MSRA: variants seen among roughly 807,000 people sequenced by gnomAD.
MSRA encodes the protein methionine sulfoxide reductase A, also known as mitochondrial peptide methionine sulfoxide reductase.
A neutral mutation model predicts 31.3 loss-of-function variants in MSRA; 54 were observed. That is an observed-to-expected ratio of 1.73 (90% CI 1.39 to 2.17). The LOEUF is 2.17. Among genes scored for constraint, MSRA ranks in the 30% most tolerant of loss-of-function variants. The pLI, the probability that MSRA is intolerant of heterozygous loss-of-function variation, is 0.00. For synonymous variants in MSRA, 169 were observed against 116.5 expected (o/e 1.45, Z -2.90); for missense variants, 507 against 300.9 (o/e 1.69, Z -5.07).
intron 3 of MSRA, among the ~76,000 whole-genome samples, chr8:10,295,783 A>T (rs1800506412): frequency 6.6e-6 from 1 of 152,090 alleles, no homozygotes; most frequent in Non-Finnish European, 1.5e-5. Flanking sequence ...CCTCCAGCTC[A>T]GCCCCGGTGC....
At chr8:10,057,711 G>T (rs1802463943) in intron 1 of MSRA, among the ~76,000 whole-genome samples, 1 of 152,106 alleles carries the variant, frequency 6.6e-6, no homozygotes, top group African/African-American at 2.4e-5. Flanking sequence ...TGTGTAGCTT[G>T]CCCCTTTGCG....
intron 2 of MSRA, among the ~76,000 whole-genome samples, chr8:10,243,132 A>G (rs1218214650): frequency 1.3e-5 from 2 of 152,188 alleles, no homozygotes; most frequent in African/African-American, 2.4e-5. Context: ...GCTAGCTACT[A>G]AAATGGCCTG....
At chr8:10,367,372 T>G (rs1805227415) in intron 5 of MSRA, among the ~76,000 whole-genome samples, 1 of 152,202 alleles carries the variant, frequency 6.6e-6, no homozygotes, top group Admixed American at 6.5e-5. Context: ...AATTTATAAA[T>G]AAAACTTTAA....
intron 5 of MSRA, among the ~76,000 whole-genome samples, chr8:10,399,289 G>T (rs745636406): frequency 9.2e-5 from 14 of 152,200 alleles, no homozygotes; most frequent in Non-Finnish European, 1.8e-4. Context: ...TGTAGTAAGT[G>T]TCCATAGGTG....
intron 1 of MSRA, among the ~76,000 whole-genome samples, chr8:10,202,255 A>G (rs1320181743): frequency 6.6e-6 from 1 of 152,224 alleles, no homozygotes. Context: ...CAGAATTTCA[A>G]TGAGAAAATG....
At chr8:10,144,158 T>C (rs939473883) in intron 1 of MSRA, among the ~76,000 whole-genome samples, 2 of 152,158 alleles carry the variant, frequency 1.3e-5, no homozygotes, top group African/African-American at 2.4e-5. Context: ...TAAAGGAACA[T>C]AGGAGCGGTG....
intron 1 of MSRA, among the ~76,000 whole-genome samples, chr8:10,076,494 C>T (rs1207340797): frequency 6.6e-6 from 1 of 152,182 alleles, no homozygotes; most frequent in Non-Finnish European, 1.5e-5. Context: ...GTCTTATAAC[C>T]TCTTGGGAAA....
chr8:10,288,879 C>T (rs191166681), intron 3 of MSRA, among the ~76,000 whole-genome samples: 9 of 151,982 alleles, frequency 5.9e-5, no homozygotes, highest in Admixed American at 3.9e-4. Context: ...AATGAATAGG[C>T]AATTTTCATT....
At chr8:10,163,086 T>G (rs1410465159) in intron 1 of MSRA, among the ~76,000 whole-genome samples, 2 of 152,078 alleles carry the variant, frequency 1.3e-5, no homozygotes, top group African/African-American at 4.8e-5. Flanking sequence ...AGGGACCTCT[T>G]TGCACCATGG....
chr8:10,337,784 C>T, intron 5 of MSRA: 1 of 702,628 alleles, frequency 1.4e-6, no homozygotes, highest in Non-Finnish European at 2.6e-6. Flanking sequence ...CTGGGTGCAG[C>T]CATCTTCAAG....
At chr8:10,337,960 G>C (rs1054531484) in intron 5 of MSRA, 10 of 619,936 alleles carry the variant, frequency 1.6e-5, no homozygotes, top group Admixed American at 5.0e-5. Flanking sequence ...AGGTAAACTG[G>C]GTGGCCCAGG....
chr8:10,236,204 G>C (rs898514012), intron 2 of MSRA, among the ~76,000 whole-genome samples: 4 of 152,142 alleles, frequency 2.6e-5, no homozygotes, highest in Non-Finnish European at 5.9e-5. Flanking sequence ...ATTAAGATGA[G>C]ACAAGGATTC....
chr8:10,402,538 A>G (rs934791676), intron 5 of MSRA, among the ~76,000 whole-genome samples: 16 of 152,350 alleles, frequency 1.1e-4, no homozygotes, highest in African/African-American at 3.8e-4. Context: ...CCATAGCCCA[A>G]GATGCCCACT....
intron 5 of MSRA, among the ~76,000 whole-genome samples, chr8:10,363,728 G>C (rs1804988957): frequency 2.6e-5 from 1 of 37,840 alleles, no homozygotes; most frequent in African/African-American, 5.6e-5. Context: ...AACCAAGCAA[G>C]ATGCAGTCAC....
intron 3 of MSRA, among the ~76,000 whole-genome samples, chr8:10,249,423 C>T (rs1030457015): frequency 6.6e-6 from 1 of 152,202 alleles, no homozygotes. Flanking sequence ...TCAGTTGCCT[C>T]CTGCATTTCC....
chr8:10,283,389 G>A (rs1025419689), intron 3 of MSRA, among the ~76,000 whole-genome samples: 1 of 152,086 alleles, frequency 6.6e-6, no homozygotes, highest in African/African-American at 2.4e-5. Context: ...GTGTTGTCCA[G>A]TTAGGGTGAA....
chr8:10,244,857 T>C (rs998854976), intron 2 of MSRA, among the ~76,000 whole-genome samples: 1 of 152,114 alleles, frequency 6.6e-6, no homozygotes. Context: ...CTCCTTTAAA[T>C]TTGAGGCCTT....
Position 10,071,327 on chromosome 8 carries a change from G to A in MSRA, c.142+16669G>A, listed in dbSNP as rs558664331. 7.9e-5 allele frequency among the ~76,000 whole-genome samples: 12 copies of A among 152,192 alleles called. No individual in the cohort carries two copies. The South Asian group carries it at 2.1e-3, about 26-fold the overall frequency. ...CTTTCGTTAAATGTCTTTGGTAGACGTTAAACATTTCTAATTGAATTATTG... is the reference window on the plus strand; with the variant it reads ...CTTTCGTTAAATGTCTTTGGTAGACATTAAACATTTCTAATTGAATTATTG... On this transcript the variant is annotated intron_variant, in intron 1 of 5. Coordinates refer to ENST00000317173, the MANE Select transcript of MSRA (RefSeq NM_012331.5).
intron 3 of MSRA, among the ~76,000 whole-genome samples, chr8:10,286,539 G>T (rs989773402): frequency 6.6e-6 from 1 of 152,208 alleles, no homozygotes; most frequent in Non-Finnish European, 1.5e-5. Context: ...TATTTTGTAA[G>T]TTGCCCAGTC....
Sources: allele counts gnomAD v4.1 joint callset (sites outside exome capture counted in the v4.1 genomes callset), GRCh38; gene constraint gnomAD v4.1.1; transcripts MANE v1.5; gene names NCBI Gene and HGNC (gene_info 2026-07-23, HGNC 2026-07-21).